The following RIPOR1 variants were observed in gnomAD, a reference collection of about 807,000 sequenced individuals.
RIPOR1 encodes rho family-interacting cell polarization regulator 1.
A neutral mutation model predicts 116.5 loss-of-function variants in RIPOR1; 58 were observed. The ratio of observed to expected loss-of-function variants is 0.50; its 90% CI spans 0.40 to 0.62. RIPOR1 has a LOEUF of 0.62. RIPOR1 is among the 20% of genes least tolerant of loss of function. RIPOR1 has a pLI of 0.00. For synonymous variants in RIPOR1, 605 were observed against 650.0 expected (o/e 0.93, Z 1.05); for missense variants, 1,372 against 1,586.2 (o/e 0.86, Z 2.29).
chr16:67,541,214 C>G lies in RIPOR1; in HGVS notation c.802-216C>G. The G allele has an allele frequency of 1.8e-6, 1 of 549,316 alleles. No homozygotes were observed. The highest frequency in any genetic ancestry group is 3.2e-6 in the Non-Finnish European group (1 of 313,006). The allele number at this position is 549,316 out of a possible 1,614,324, so 34.0% of individuals were successfully genotyped here. ...CCAAGTAGCTGGGACTACAGGTGCA[C>G]CACCATGCCTGGCTAAAAATTTTTT... On this transcript the variant is annotated intron_variant, in intron 10 of 21. Transcript: ENST00000042381. The surrounding 1 kb of genome is among the most constrained non-coding windows in gnomAD (Gnocchi z 4.6).
intron 1 of RIPOR1, among the ~76,000 whole-genome samples, chr16:67,519,113 G>A (rs1049241367): frequency 6.6e-6 from 1 of 152,056 alleles, no homozygotes; most frequent in Non-Finnish European, 1.5e-5. Context: ...GATGAAACCC[G>A]GCCTCTACTA....
intron 1 of RIPOR1, among the ~76,000 whole-genome samples, chr16:67,522,961 A>C (rs1186716868): frequency 2.0e-5 from 3 of 151,672 alleles, no homozygotes; most frequent in African/African-American, 7.3e-5. Flanking sequence ...CACCACTCCA[A>C]ACCACATTAC....
chr16:67,537,451 C>G lies in RIPOR1; in HGVS notation c.-23-973C>G, dbSNP rs1007176563. ...GCAGGAACTGGGCGGGGGGCGGCGC[C>G]GGGAGGAGCCGAAGCCGAGCCAGAG... On this transcript the variant is annotated intron_variant, in intron 1 of 21. Transcript: ENST00000042381. The surrounding 1 kb of genome is among the most constrained non-coding windows in gnomAD (Gnocchi z 4.6). The G allele has an allele frequency of 8.1e-7, 1 of 1,240,422 alleles. No homozygotes were observed. The highest frequency in any genetic ancestry group is 1.0e-6 in the Non-Finnish European group (1 of 991,184). 76.8% of individuals were successfully genotyped at this position (1,240,422 alleles called of 1,614,324 possible).
At chr16:67,525,380 T>A (rs1468378237), upstream of RIPOR1, among the ~76,000 whole-genome samples, 1 of 152,198 alleles carries the variant, frequency 6.6e-6, no homozygotes, top group Non-Finnish European at 1.5e-5. Flanking sequence ...CCACAAATGC[T>A]TGCTGTATAT....
intron 1 of RIPOR1, among the ~76,000 whole-genome samples, chr16:67,518,997 G>A (rs1446207296): frequency 1.3e-5 from 2 of 152,210 alleles, no homozygotes; most frequent in Non-Finnish European, 2.9e-5. Context: ...TCAACTGTAC[G>A]GCCCAGGCCA....
At chr16:67,538,240 C>T in intron 1 of RIPOR1, 184 bp from the exon 2 acceptor site, 1 of 644,056 alleles carries the variant, frequency 1.6e-6, no homozygotes, top group African/African-American at 1.9e-5. Context: ...AGTCCGAGGC[C>T]GAGTCGCCTG....
chr16:67,540,792 C>T lies in RIPOR1; in HGVS notation c.801+88C>T, dbSNP rs2050958270. The T allele has an allele frequency of 7.8e-7, 1 of 1,284,186 alleles. No individual in the cohort carries two copies. The highest frequency in any genetic ancestry group is 1.1e-6 in the Non-Finnish European group (1 of 921,170). 79.5% of individuals were successfully genotyped at this position (1,284,186 alleles called of 1,614,324 possible). ...ACCCTGAGTCCCTTACTCCTGTGAT[C>T]CCCTCATAGCTCCATAGCCCTGTGA... On this transcript the variant is annotated intron_variant, in intron 10 of 21. Coordinates refer to ENST00000042381, the MANE Select transcript of RIPOR1 (RefSeq NM_024519.4). This position sits in a 1 kb window ranked among gnomAD's most constrained non-coding sequence, Gnocchi z 4.7.
rs920231171 is a variant in RIPOR1 at position 67,529,589 on chromosome 16, A to G, written c.-24+675A>G. 3 of 601,490 alleles carry G rather than the reference A, an allele frequency of 5.0e-6. No homozygotes were observed. In the African/African-American group the frequency reaches 5.6e-5, roughly 11 times the overall value. The allele number at this position is 601,490 out of a possible 1,614,324, so 37.3% of individuals were successfully genotyped here. ...GGGCAAGGGGCTGCTCACCAGGGCT[A>G]GAGGTCGGATTCAGTCCAGATTCAG... On this transcript the variant is annotated intron_variant, in intron 1 of 21. Transcript: ENST00000042381. This position sits in a 1 kb window ranked among gnomAD's most constrained non-coding sequence, Gnocchi z 4.1.
Position 67,541,089 on chromosome 16 carries a change from C to T in RIPOR1, c.802-341C>T, listed in dbSNP as rs926332434. On this transcript the variant is annotated intron_variant, in intron 10 of 21. Coordinates refer to ENST00000042381, the MANE Select transcript of RIPOR1 (RefSeq NM_024519.4). The surrounding 1 kb of genome is among the most constrained non-coding windows in gnomAD (Gnocchi z 4.6). Reference sequence around the variant, plus strand: ...GTCTGTCTATCTATCTAGGAGTTGGCGGGTCTCACTCTGTCACCCAGGTTG... The same window carrying T: ...GTCTGTCTATCTATCTAGGAGTTGGTGGGTCTCACTCTGTCACCCAGGTTG... Among the ~76,000 whole-genome samples, 4 of 151,970 alleles carry T rather than the reference C, an allele frequency of 2.6e-5. No individual in the cohort carries two copies. The highest frequency in any genetic ancestry group is 4.8e-5 in the African/African-American group (2 of 41,348).
chr16:67,527,626 C>T (rs772734858), upstream of RIPOR1, among the ~76,000 whole-genome samples: 2 of 152,034 alleles, frequency 1.3e-5, no homozygotes, highest in African/African-American at 4.8e-5. Context: ...CCTGTAATCC[C>T]AGCACTTTGG....
chr16:67,518,898 C>T (rs533090838), intron 1 of RIPOR1, among the ~76,000 whole-genome samples: 3 of 152,300 alleles, frequency 2.0e-5, no homozygotes, highest in South Asian at 4.1e-4. Context: ...ACCCAGCCTG[C>T]GGTCCAGGAA....
Position 67,529,697 on chromosome 16 carries a change from A to G in RIPOR1, c.-24+783A>G. The G allele has an allele frequency of 6.8e-7, 1 of 1,472,330 alleles. No individual in the cohort carries two copies. The highest frequency in any genetic ancestry group is 9.1e-7 in the Non-Finnish European group (1 of 1,099,630). The allele number at this position is 1,472,330 out of a possible 1,614,324, so 91.2% of individuals were successfully genotyped here. ...CCCCAGCCAGTTCTAACGTGTGTCC[A>G]GGCTGGCCGCCCCAGCACCTACTGT... is the stretch of plus-strand genomic sequence containing the variant. On this transcript the variant is annotated intron_variant, in intron 1 of 21. Coordinates refer to ENST00000042381, the MANE Select transcript of RIPOR1 (RefSeq NM_024519.4). The surrounding 1 kb of genome is among the most constrained non-coding windows in gnomAD (Gnocchi z 4.1).
Position 67,546,168 on chromosome 16 carries a change from T to C in RIPOR1, c.3499T>C (p.Tyr1167His), listed in dbSNP as rs1028855898. The C allele has an allele frequency of 1.2e-6, 2 of 1,613,870 alleles. No homozygotes were observed. The highest frequency in any genetic ancestry group is 2.7e-5 in the African/African-American group (2 of 74,894). Residue 1167 changes from tyrosine to histidine, a missense_variant, in exon 21 of 22, where the codon TAC (tyrosine) becomes CAC (histidine). Tyr to His is a moderately conservative substitution (Grantham distance 83). This residue lies in a region of RIPOR1 where 1,005 missense variants were observed against 1,144.7 expected (regional missense o/e 0.88). Coordinates refer to ENST00000042381, the MANE Select transcript of RIPOR1 (RefSeq NM_024519.4). Reference sequence around the variant, plus strand: ...TCCCGAGGGCATTGAGCCCCTGGTGTACCTCTGCCAAACTGACACAGAAGC... The same window carrying C: ...TCCCGAGGGCATTGAGCCCCTGGTGCACCTCTGCCAAACTGACACAGAAGC... The part of the protein sequence containing the change: ...KAPEGIEPLV[Y>H]LCQTDTEAVR...
At position 67,544,870 on chromosome 16, in the gene RIPOR1, A is replaced by C. The variant is rs758623250; in HGVS notation, c.2869+40A>C. The stretch of plus-strand genomic sequence containing the variant: ...GGTTCGGGCTCTGCCATCTGCCTTG[A>C]AGCTCCTACCTCAGCCTACTGCCAT... On this transcript the variant is annotated intron_variant, in intron 16 of 21. Transcript: ENST00000042381. This position sits in a 1 kb window ranked among gnomAD's most constrained non-coding sequence, Gnocchi z 5.1. 3.1e-6 allele frequency: 5 copies of C among 1,594,172 alleles called. No individual in the cohort carries two copies. In the African/African-American group the frequency reaches 6.7e-5, roughly 21 times the overall value.
rs921733972 is a variant in RIPOR1, at chr16:67,530,088, G to T, written c.-24+1174G>T. The stretch of plus-strand genomic sequence containing the variant: ...GACTGCGGCGGGAGAGAGGAGCAAG[G>T]TGAGCCGCCCCAGGGGTCTGGGTTT... On this transcript the variant is annotated intron_variant, in intron 1 of 21. Transcript: ENST00000042381. This position sits in a 1 kb window ranked among gnomAD's most constrained non-coding sequence, Gnocchi z 4.5. The T allele has an allele frequency of 6.6e-6, 4 of 601,962 alleles. No homozygotes were observed. The highest frequency in any genetic ancestry group is 1.2e-5 in the Non-Finnish European group (4 of 334,170). The allele number at this position is 601,962 out of a possible 1,614,324, so 37.3% of individuals were successfully genotyped here.
chr16:67,530,170 G>A lies in RIPOR1; in HGVS notation c.-24+1256G>A. On this transcript the variant is annotated intron_variant, in intron 1 of 21. Transcript: ENST00000042381. This position sits in a 1 kb window ranked among gnomAD's most constrained non-coding sequence, Gnocchi z 4.5. Reference sequence around the variant, plus strand: ...GGGCTGGGTCCCGCTTGAGAGAAGCGGGCGGGGAGGGCGCGGGTGAGTCAC... The same window carrying A: ...GGGCTGGGTCCCGCTTGAGAGAAGCAGGCGGGGAGGGCGCGGGTGAGTCAC... 5.4e-6 allele frequency: 2 copies of A among 372,936 alleles called. No individual in the cohort carries two copies. Among genetic ancestry groups the A allele is most frequent in the Non-Finnish European group, 9.8e-6 (2 of 203,842 alleles). The allele number at this position is 372,936 out of a possible 1,614,324, so 23.1% of individuals were successfully genotyped here.
intron 1 of RIPOR1, among the ~76,000 whole-genome samples, chr16:67,522,807 C>A (rs532702227): frequency 2.0e-4 from 31 of 151,924 alleles, no homozygotes; most frequent in Non-Finnish European, 4.4e-4. Context: ...CAACCCCCCG[C>A]CTTTGCTGTT....
In RIPOR1 at chr16:67,541,540, C is replaced by T; in HGVS notation, c.912C>T (p.Asp304=). ...AGGTTGTGGCTGTGGATATCAATGACCTTGGTACCATCAAGCTCAGCCTGG... is the reference window on the plus strand; with the variant it reads ...AGGTTGTGGCTGTGGATATCAATGATCTTGGTACCATCAAGCTCAGCCTGG... ...LPQVVAVDIN[D]LGTIKLSLEV... The change falls in exon 11 of 22, where the codon GAC becomes GAT. Residue 304 remains aspartate (D), a synonymous_variant. Coordinates refer to ENST00000042381, the MANE Select transcript of RIPOR1 (RefSeq NM_024519.4). This position sits in a 1 kb window ranked among gnomAD's most constrained non-coding sequence, Gnocchi z 4.6. The T allele has an allele frequency of 6.2e-7, 1 of 1,614,084 alleles. No individual in the cohort carries two copies. Among genetic ancestry groups the T allele is most frequent in the South Asian group, 1.1e-5 (1 of 91,084 alleles).
rs745351091 is a variant in RIPOR1 at position 67,529,256 on chromosome 16, C to A, written c.-24+342C>A. On this transcript the variant is annotated intron_variant, in intron 1 of 21. Transcript: ENST00000042381. The surrounding 1 kb of genome is among the most constrained non-coding windows in gnomAD (Gnocchi z 4.1). ...GCCAGCCTGGGCCCTGGCACGCGCG[C>A]TCCCTGGGAGCCCTTGCTGCCTTCG... The A allele has an allele frequency of 4.0e-4, 61 of 153,196 alleles. No homozygotes were observed. Among genetic ancestry groups the A allele is most frequent in the Non-Finnish European group, 8.3e-4 (57 of 68,606 alleles). The allele number at this position is 153,196 out of a possible 1,614,324, so 9.5% of individuals were successfully genotyped here.
Sources: allele counts gnomAD v4.1 joint callset (sites outside exome capture counted in the v4.1 genomes callset), GRCh38; gene constraint gnomAD v4.1.1; regional missense constraint gnomAD v4.1.1; non-coding constraint Gnocchi (gnomAD v3.1); transcripts MANE v1.5; gene names NCBI Gene and HGNC (gene_info 2026-07-23, HGNC 2026-07-21).